PEX14: variants seen among roughly 807,000 people sequenced by gnomAD.
PEX14 encodes the protein peroxisomal membrane protein PEX14.
A neutral mutation model predicts 49.5 loss-of-function variants in PEX14; 15 were observed. The ratio of observed to expected loss-of-function variants is 0.30; its 90% CI spans 0.20 to 0.47. The LOEUF (loss-of-function observed/expected upper bound fraction) is 0.47, where lower values mean the gene tolerates loss of function less well. PEX14 is among the 20% of genes least tolerant of loss of function. The pLI, the probability that PEX14 is intolerant of heterozygous loss-of-function variation, is 1.00. For synonymous variants in PEX14, 210 were observed against 212.7 expected (o/e 0.99, Z 0.11); for missense variants, 398 against 494.8 (o/e 0.80, Z 1.86).
At chr1:10,570,848 G>GTTTTTTT (rs70997255) in intron 3 of PEX14, among the ~76,000 whole-genome samples, 24,683 of 113,078 alleles carry the variant, frequency 0.22, 4,680 homozygotes, top group Non-Finnish European at 0.28. Flanking sequence ...TGTCAACAGG[G>GTTTTTTT]TTTTTTTTTT....
chr1:10,625,006 G>T (rs1350568490), intron 7 of PEX14, among the ~76,000 whole-genome samples: 1 of 152,162 alleles, frequency 6.6e-6, no homozygotes, highest in Non-Finnish European at 1.5e-5. Flanking sequence ...AAATCTTGGC[G>T]TGGCAGCTTC....
chr1:10,544,328 T>C (rs1180381201), intron 3 of PEX14, among the ~76,000 whole-genome samples: 1 of 152,234 alleles, frequency 6.6e-6, no homozygotes, highest in African/African-American at 2.4e-5. Flanking sequence ...GTTGAGCTAA[T>C]ACATGGCAGA....
At chr1:10,626,350 G>A (rs958209313) in intron 7 of PEX14, among the ~76,000 whole-genome samples, 2 of 152,188 alleles carry the variant, frequency 1.3e-5, no homozygotes, top group African/African-American at 4.8e-5. Context: ...GCGGTCTGGA[G>A]TAGGAACCCT....
At chr1:10,530,045 T>C (rs996802296) in intron 2 of PEX14, among the ~76,000 whole-genome samples, 2 of 152,194 alleles carry the variant, frequency 1.3e-5, no homozygotes, top group African/African-American at 4.8e-5. Flanking sequence ...TCACTGTCTT[T>C]ATTGTTGAAC....
chr1:10,500,909 GTTTC>G (rs1186968308), intron 2 of PEX14, among the ~76,000 whole-genome samples: 1 of 152,140 alleles, frequency 6.6e-6, no homozygotes, highest in Non-Finnish European at 1.5e-5. Context: ...ACATTAACAT[GTTTC>G]TTTGTGTGCA....
At chr1:10,547,800 CTAT>C (rs1267909035) in intron 3 of PEX14, among the ~76,000 whole-genome samples, 1 of 152,008 alleles carries the variant, frequency 6.6e-6, no homozygotes, top group African/African-American at 2.4e-5. Context: ...CTTTTTTAGT[CTAT>C]TATTATTTTT....
chr1:10,523,825 TAAA>T (rs59324356), intron 2 of PEX14, among the ~76,000 whole-genome samples: 2,696 of 132,362 alleles, frequency 0.02, 32 homozygotes, highest in Non-Finnish European at 0.022. Flanking sequence ...TCCTTTTAGT[TAAA>T]AAAAAAAAAA....
chr1:10,538,410 C>T (rs1638902802), intron 3 of PEX14, among the ~76,000 whole-genome samples: 1 of 152,224 alleles, frequency 6.6e-6, no homozygotes, highest in African/African-American at 2.4e-5. Flanking sequence ...CCTTCGTCCT[C>T]TAAAGAGAAC....
At chr1:10,475,028 G>T (rs1277835110) in intron 1 of PEX14, 26 bp downstream of exon 1, 1 of 1,599,544 alleles carries the variant, frequency 6.3e-7, no homozygotes, top group Non-Finnish European at 8.5e-7. Flanking sequence ...CTGCCCCGCT[G>T]TGCGGCGGAG....
At chr1:10,480,853 CTCTCTCTA>C (rs1641270678) in intron 1 of PEX14, among the ~76,000 whole-genome samples, 1 of 139,782 alleles carries the variant, frequency 7.2e-6, no homozygotes, top group Non-Finnish European at 1.5e-5. Flanking sequence ...CTCTCTCTCT[CTCTCTCTA>C]TATATATATT....
At chr1:10,537,281 C>T (rs971553260) in intron 3 of PEX14, among the ~76,000 whole-genome samples, 5 of 142,670 alleles carry the variant, frequency 3.5e-5, no homozygotes, top group African/African-American at 5.3e-5. Flanking sequence ...AAGGCTGGGT[C>T]CCTGCGACAG....
At chr1:10,578,667 T>C (rs1262584742) in intron 3 of PEX14, among the ~76,000 whole-genome samples, 1 of 152,070 alleles carries the variant, frequency 6.6e-6, no homozygotes, top group Non-Finnish European at 1.5e-5. Context: ...TAAAAGAATT[T>C]ACATGAAAAA....
Position 10,474,985 on chromosome 1 carries a change from G to T in PEX14, c.19G>T (p.Ala7Ser), listed in dbSNP as rs1410701421. The change falls in exon 1 of 9, where the codon GCA becomes TCA. Residue 7 changes from alanine to serine, a missense_variant. Transcript: ENST00000356607. ...CAGAAAGATGGCGTCCTCGGAGCAG[G>T]CAGAGCAGCCGAGCCAGGTAAGGGG... MASSEQ[A>S]EQPSQPSSTP... is the part of the protein sequence containing the mutation. 2 of 1,609,752 alleles carry T rather than the reference G, an allele frequency of 1.2e-6. No individual in the cohort carries two copies. The highest frequency in any genetic ancestry group is 1.1e-5 in the South Asian group (1 of 90,206).
chr1:10,484,490 G>A (rs668805), intron 1 of PEX14, among the ~76,000 whole-genome samples: 113,213 of 151,602 alleles, frequency 0.75, 42,864 homozygotes, highest in African/African-American at 0.86. Flanking sequence ...ACTTTTTACC[G>A]CTGAGTAGTA....
chr1:10,534,808 A>T (rs1159702801), intron 2 of PEX14, among the ~76,000 whole-genome samples: 2 of 152,154 alleles, frequency 1.3e-5, no homozygotes, highest in Non-Finnish European at 2.9e-5. Context: ...CTTTAGGGGA[A>T]TGTCTAGGTA....
chr1:10,629,269 C>A lies in PEX14; in HGVS notation c.678-262C>A, dbSNP rs1641837630. Among the ~76,000 whole-genome samples, 1 of 152,240 alleles carries A rather than the reference C, an allele frequency of 6.6e-6. No homozygotes were observed. Among genetic ancestry groups the A allele is most frequent in the Non-Finnish European group, 1.5e-5 (1 of 68,036 alleles). ...ACTTGGCTTCCAGCAGCTGCCCAGG[C>A]AGATGGGCCTTGCCCAGGGTGGGGG... On this transcript the variant is annotated intron_variant, in intron 8 of 8. Coordinates refer to ENST00000356607, the MANE Select transcript of PEX14 (RefSeq NM_004565.3). This position sits in a 1 kb window ranked among gnomAD's most constrained non-coding sequence, Gnocchi z 8.5.
chr1:10,478,573 G>T (rs1428922433), intron 1 of PEX14, among the ~76,000 whole-genome samples: 2 of 152,006 alleles, frequency 1.3e-5, no homozygotes, highest in African/African-American at 4.8e-5. Flanking sequence ...TCCCCACATT[G>T]CTCTGTTTTA....
intron 1 of PEX14, among the ~76,000 whole-genome samples, chr1:10,480,872 T>A (rs1172338832): frequency 0.018 from 2,453 of 140,036 alleles, 68 homozygotes; most frequent in African/African-American, 0.076. Flanking sequence ...TATATATATT[T>A]TTTTTTTTGG....
chr1:10,625,237 G>A (rs1641710308), intron 7 of PEX14, among the ~76,000 whole-genome samples: 1 of 152,142 alleles, frequency 6.6e-6, no homozygotes, highest in Admixed American at 6.5e-5. Flanking sequence ...CATCCCTGAG[G>A]CGGTATCAGA....
Sources: allele counts gnomAD v4.1 joint callset (sites outside exome capture counted in the v4.1 genomes callset), GRCh38; gene constraint gnomAD v4.1.1; non-coding constraint Gnocchi (gnomAD v3.1); transcripts MANE v1.5; gene names NCBI Gene and HGNC (gene_info 2026-07-23, HGNC 2026-07-21).